Variants in SCAMP2 observed in about 807,000 individuals in gnomAD.
SCAMP2 encodes the protein secretory carrier membrane protein 2.
A neutral mutation model predicts 44.1 loss-of-function variants in SCAMP2; 25 were observed. The observed-to-expected ratio is 0.57, with a 90% CI of 0.41 to 0.79. The LOEUF (loss-of-function observed/expected upper bound fraction) is 0.79. Ranked by LOEUF, SCAMP2 falls within the 30% of genes least tolerant of loss-of-function variation. The pLI, the probability that SCAMP2 is intolerant of heterozygous loss-of-function variation, is 0.00. For missense variants in SCAMP2, 355 were observed against 411.0 expected (o/e 0.86, Z 1.18); for synonymous variants, 156 against 166.0 (o/e 0.94, Z 0.46).
At chr15:74,850,459 C>A in intron 6 of SCAMP2, 55 bp downstream of exon 6, 1 of 1,550,864 alleles carries the variant, frequency 6.4e-7, no homozygotes, top group Non-Finnish European at 8.9e-7. Context: ...AGCCCTTAGC[C>A]TGCTACCTGG....
chr15:74,871,196 G>C (rs2064572546), intron 1 of SCAMP2, among the ~76,000 whole-genome samples: 1 of 152,190 alleles, frequency 6.6e-6, no homozygotes, highest in African/African-American at 2.4e-5. Flanking sequence ...GCTCATGCCT[G>C]TAATCATAGC....
intron 3 of SCAMP2, 109 bp downstream of exon 3, chr15:74,853,912 G>A: frequency 1.0e-6 from 1 of 992,788 alleles, no homozygotes; most frequent in Non-Finnish European, 1.6e-6. Context: ...GGGCCCTTAG[G>A]GGGCCAAGGC....
At chr15:74,856,068 G>C (rs2064466836) in intron 1 of SCAMP2, among the ~76,000 whole-genome samples, 1 of 151,888 alleles carries the variant, frequency 6.6e-6, no homozygotes, top group South Asian at 2.1e-4. Context: ...CAGATGCAGG[G>C]CTCAGGTCCA....
At position 74,843,784 on chromosome 15, in the gene SCAMP2, T is replaced by C. The variant is rs1340837510; in HGVS notation, c.*1299A>G. 6.6e-6 allele frequency: 1 copy of C among 152,192 alleles called. No homozygotes were observed. The highest frequency in any genetic ancestry group is 1.5e-5 in the Non-Finnish European group (1 of 68,040). 9.4% of individuals were successfully genotyped at this position (152,192 alleles called of 1,614,324 possible). A position where few individuals can be genotyped will look rare whatever the true frequency, so the allele number is the denominator to read the frequency against. Reference sequence around the variant, plus strand: ...AGCACAAAAATTGAGACGTAACATATACATTTGTACATAGAGGGGAAAAAA... The same window carrying C: ...AGCACAAAAATTGAGACGTAACATACACATTTGTACATAGAGGGGAAAAAA... On this transcript the variant is annotated 3_prime_UTR_variant, in exon 9 of 9. Coordinates refer to ENST00000268099, the MANE Select transcript of SCAMP2 (RefSeq NM_005697.5).
chr15:74,861,147 C>A (rs1007822096), intron 1 of SCAMP2, among the ~76,000 whole-genome samples: 1 of 152,130 alleles, frequency 6.6e-6, no homozygotes, highest in Admixed American at 6.6e-5. Flanking sequence ...TGCACTCCAG[C>A]CTGGGCAACA....
rs1489112379 is a variant in SCAMP2, at chr15:74,844,296, A to G, written c.*787T>C. 1 of 152,212 alleles carries G rather than the reference A, an allele frequency of 6.6e-6. No homozygotes were observed. Among genetic ancestry groups the G allele is most frequent in the East Asian group, 1.9e-4 (1 of 5,190 alleles). 9.4% of individuals were successfully genotyped at this position (152,212 alleles called of 1,614,324 possible). ...TAGAAGACGCTGGACGCTAGGCAGG[A>G]CAGCTTGGGGTCAGTGTCCTTGGTC... is the stretch of plus-strand genomic sequence containing the variant. On this transcript the variant is annotated 3_prime_UTR_variant, in exon 9 of 9. Coordinates refer to ENST00000268099, the MANE Select transcript of SCAMP2 (RefSeq NM_005697.5).
rs769179659 is a variant in SCAMP2 at position 74,851,380 on chromosome 15, A to T, written c.445T>A (p.Cys149Ser). 6.2e-7 allele frequency: 1 copy of T among 1,614,100 alleles called. No individual in the cohort carries two copies. Among genetic ancestry groups the T allele is most frequent in the Admixed American group, 1.7e-5 (1 of 60,010 alleles). The change falls in exon 5 of 9, where the codon TGC becomes AGC. Residue 149 changes from cysteine to serine, a missense_variant. Coordinates refer to ENST00000268099, the MANE Select transcript of SCAMP2 (RefSeq NM_005697.5). Reference sequence around the variant, plus strand: ...ATCCACAGATAGTAGAGCATCTTGCATATCCGCTGGTAGTCGGCAGGGATC... The same window carrying T: ...ATCCACAGATAGTAGAGCATCTTGCTTATCCGCTGGTAGTCGGCAGGGATC... The part of the protein sequence containing the change: ...TEIPADYQRI[C>S]KMLYYLWMLH...
intron 1 of SCAMP2, among the ~76,000 whole-genome samples, chr15:74,861,615 C>G (rs2064503693): frequency 6.6e-6 from 1 of 152,062 alleles, no homozygotes; most frequent in Non-Finnish European, 1.5e-5. Flanking sequence ...AACAGGCTTT[C>G]TGGTCGGGCA....
intron 1 of SCAMP2, among the ~76,000 whole-genome samples, chr15:74,869,927 C>T (rs2064564333): frequency 2.0e-5 from 3 of 152,176 alleles, no homozygotes; most frequent in African/African-American, 2.4e-5. Flanking sequence ...CACCTCCCAA[C>T]GTCCTAGCCC....
intron 1 of SCAMP2, among the ~76,000 whole-genome samples, chr15:74,861,757 C>T (rs1382400730): frequency 2.0e-5 from 3 of 151,800 alleles, no homozygotes; most frequent in East Asian, 1.9e-4. Context: ...CCAAATTAGC[C>T]GGGCGTGGTG....
At chr15:74,862,332 T>A (rs2064512304) in intron 1 of SCAMP2, among the ~76,000 whole-genome samples, 1 of 145,296 alleles carries the variant, frequency 6.9e-6, no homozygotes, top group Non-Finnish European at 1.5e-5. Context: ...ATTCTAGCAC[T>A]TTGGGAGGCC....
chr15:74,871,429 G>A (rs758209856), intron 1 of SCAMP2, among the ~76,000 whole-genome samples: 11 of 151,902 alleles, frequency 7.2e-5, no homozygotes, highest in African/African-American at 1.5e-4. Context: ...GCTACAGCCT[G>A]GGCGACAGAG....
At position 74,873,263 on chromosome 15, in the gene SCAMP2, G is replaced by C; in HGVS notation, c.-8C>G. The C allele has an allele frequency of 6.8e-7, 1 of 1,478,364 alleles. No individual in the cohort carries two copies. Among genetic ancestry groups the C allele is most frequent in the Non-Finnish European group, 8.9e-7 (1 of 1,118,806 alleles). The allele number at this position is 1,478,364 out of a possible 1,614,324, so 91.6% of individuals were successfully genotyped here. A position where few individuals can be genotyped will look rare whatever the true frequency, so the allele number is the denominator to read the frequency against. ...GGTGTCGAAAGCCGACATGGTGATCGGGGGCCAGCGGGCGAACTCCGCGAA... is the reference window on the plus strand; with the variant it reads ...GGTGTCGAAAGCCGACATGGTGATCCGGGGCCAGCGGGCGAACTCCGCGAA... On this transcript the variant is annotated 5_prime_UTR_variant, in exon 1 of 9. Transcript: ENST00000268099.
intron 7 of SCAMP2, among the ~76,000 whole-genome samples, chr15:74,848,100 C>G (rs2064411609): frequency 6.7e-6 from 1 of 150,304 alleles, no homozygotes; most frequent in African/African-American, 2.5e-5. Context: ...CAGGATCTCA[C>G]TCTGTCACCC....
chr15:74,845,583 C>A lies in SCAMP2; in HGVS notation c.745G>T (p.Ala249Ser). The A allele has an allele frequency of 6.2e-7, 1 of 1,613,998 alleles. No individual in the cohort carries two copies. Among genetic ancestry groups the A allele is most frequent in the Non-Finnish European group, 8.5e-7 (1 of 1,179,954 alleles). ...TGATTATCCAGTGTAGACAGGGCTG[C>A]AATCCAACCGCTATAAAGGGAAGAA... ...IPGLGDSGWI[A>S]ALSTLDNHSL... Residue 249 changes from alanine (A) to serine (S), a missense_variant, in exon 8 of 9, where the codon GCA becomes TCA. By Grantham distance (99) the Ala-to-Ser change is moderately conservative. Transcript: ENST00000268099.
Position 74,862,421 on chromosome 15 carries a change from C to T in SCAMP2, c.58-7772G>A, listed in dbSNP as rs551232919. Among the ~76,000 whole-genome samples the T allele has an allele frequency of 4.0e-5, 6 of 151,814 alleles. No individual in the cohort carries two copies. In the South Asian group the frequency reaches 1.0e-3, roughly 26 times the overall value. On this transcript the variant is annotated intron_variant, in intron 1 of 8. Transcript: ENST00000268099. ...GTGAAACCTCTCACTACTAAAAATG[C>T]AAAAATTAGCAGGGCACGGTGGTGC... is the stretch of plus-strand genomic sequence containing the variant.
chr15:74,845,468 C>G lies in SCAMP2; in HGVS notation c.855+5G>C. 6.2e-7 allele frequency: 1 copy of G among 1,614,150 alleles called. No homozygotes were observed. The highest frequency in any genetic ancestry group is 2.2e-5 in the East Asian group (1 of 44,882). On this transcript the variant is annotated splice_donor_5th_base_variant and intron_variant, in intron 8 of 8. Coordinates refer to ENST00000268099, the MANE Select transcript of SCAMP2 (RefSeq NM_005697.5). ...TTTGCTGTCAGCCCTGCCCACACCA[C>G]TCACCCGCTGCAGGAGGAAGACTGA...
In SCAMP2 at chr15:74,852,197, CA is replaced by C. The variant is rs1421503350; in HGVS notation, c.226-12del. ...TGCAGACACCACGGCCTGGAGAGAA[CA>C]GGGGAGGTACAGGGACAGCCAGACA... On this transcript the variant is annotated splice_polypyrimidine_tract_variant and intron_variant, in intron 3 of 8. Coordinates refer to ENST00000268099, the MANE Select transcript of SCAMP2 (RefSeq NM_005697.5). The C allele has an allele frequency of 6.7e-7, 1 of 1,492,358 alleles. No homozygotes were observed. Among genetic ancestry groups the C allele is most frequent in the Non-Finnish European group, 8.9e-7 (1 of 1,117,934 alleles). 92.4% of individuals were successfully genotyped at this position (1,492,358 alleles called of 1,614,324 possible).
At chr15:74,863,127 C>T (rs2064520023) in intron 1 of SCAMP2, among the ~76,000 whole-genome samples, 1 of 151,832 alleles carries the variant, frequency 6.6e-6, no homozygotes, top group South Asian at 2.1e-4. Context: ...GACGGATCAC[C>T]TGAGGTTGGG....
Sources: gnomAD v4.1 joint callset for allele counts (sites outside exome capture counted in the v4.1 genomes callset) on GRCh38, gnomAD v4.1.1 for gene constraint, MANE v1.5 for transcripts, NCBI Gene and HGNC (gene_info 2026-07-23, HGNC 2026-07-21) for gene names.